Variants in RAPGEF2 observed in about 807,000 individuals in gnomAD.
The protein encoded by RAPGEF2 is Rap guanine nucleotide exchange factor 2.
Under a neutral mutation model 186.7 loss-of-function variants are expected in RAPGEF2, and 54 were observed. The ratio of observed to expected loss-of-function variants is 0.29; its 90% CI spans 0.23 to 0.36. The LOEUF (loss-of-function observed/expected upper bound fraction) is 0.36, where lower values mean the gene tolerates loss of function less well. RAPGEF2 is among the 10% of genes least tolerant of loss of function. RAPGEF2 has a pLI of 1.00. For missense variants in RAPGEF2, 1,532 were observed against 2,045.0 expected (o/e 0.75, Z 4.84); for synonymous variants, 712 against 705.9 (o/e 1.01, Z -0.14).
intron 25 of RAPGEF2, among the ~76,000 whole-genome samples, chr4:159,348,996 AG>A (rs1730797962): frequency 6.6e-6 from 1 of 152,182 alleles, no homozygotes; most frequent in South Asian, 2.1e-4. Context: ...CCACTTTTGA[AG>A]TATCTCACAC....
At chr4:159,342,062 A>T in intron 20 of RAPGEF2, 115 bp downstream of exon 20, 1 of 1,042,148 alleles carries the variant, frequency 9.6e-7, no homozygotes, top group Non-Finnish European at 1.4e-6. Flanking sequence ...TTGACTCATA[A>T]GAGACAATTC....
At chr4:159,148,975 T>C (rs1743236595) in intron 1 of RAPGEF2, among the ~76,000 whole-genome samples, 2 of 152,234 alleles carry the variant, frequency 1.3e-5, no homozygotes, top group African/African-American at 4.8e-5. Context: ...GTTTATTGTT[T>C]ACTGCAAGCA....
At chr4:159,251,605 A>G (rs1292831195) in intron 7 of RAPGEF2, among the ~76,000 whole-genome samples, 2 of 151,972 alleles carry the variant, frequency 1.3e-5, no homozygotes, top group South Asian at 2.1e-4. Flanking sequence ...AAACGCACCA[A>G]TCAGTGCTCT....
intron 1 of RAPGEF2, among the ~76,000 whole-genome samples, chr4:159,140,824 G>GA (rs35688115): frequency 0.019 from 2,832 of 147,766 alleles, 65 homozygotes; most frequent in African/African-American, 0.056. Context: ...TTTTTTTCTG[G>GA]AAAAAAAAAA....
chr4:159,331,971 A>G lies in RAPGEF2; in HGVS notation c.1825A>G (p.Lys609Glu). The G allele has an allele frequency of 6.2e-7, 1 of 1,609,570 alleles. No individual in the cohort carries two copies. Among genetic ancestry groups the G allele is most frequent in the Non-Finnish European group, 8.5e-7 (1 of 1,178,772 alleles). The change falls in exon 16 of 30, where the codon AAA becomes GAA. Residue 609 changes from lysine to glutamate, a missense_variant. Lys to Glu is a moderately conservative substitution (Grantham distance 56, BLOSUM62 1). This residue lies in a region of RAPGEF2 where 810 missense variants were observed against 1,210.5 expected (regional missense o/e 0.67). Transcript: ENST00000691494. ...AAACTTTGAAAACATTCAGCTGTCAAAAGCTATGGAAATTCTTAGAAATAA... is the reference window on the plus strand; with the variant it reads ...AAACTTTGAAAACATTCAGCTGTCAGAAGCTATGGAAATTCTTAGAAATAA... ...GQNFENIQLS[K>E]AMEILRNNTH...
chr4:159,137,539 T>G (rs2111152405), intron 1 of RAPGEF2, among the ~76,000 whole-genome samples: 1 of 152,258 alleles, frequency 6.6e-6, no homozygotes, highest in Middle Eastern at 3.4e-3. Context: ...TATATGAATT[T>G]TAGGGGAATA....
intron 8 of RAPGEF2, among the ~76,000 whole-genome samples, 169 bp from the exon 9 acceptor site, chr4:159,314,422 A>C (rs1258288316): frequency 6.6e-6 from 1 of 152,222 alleles, no homozygotes; most frequent in Non-Finnish European, 1.5e-5. Flanking sequence ...GGAATCACTC[A>C]TATTTTGTTA....
chr4:159,268,541 G>A (rs1338320178), intron 7 of RAPGEF2, among the ~76,000 whole-genome samples: 1 of 152,130 alleles, frequency 6.6e-6, no homozygotes, highest in Non-Finnish European at 1.5e-5. Flanking sequence ...AAATGTTTTT[G>A]TAGTTGAATT....
At chr4:159,329,113 A>G (rs1001720606) in intron 11 of RAPGEF2, 4 of 152,094 alleles carry the variant, frequency 2.6e-5, no homozygotes, top group Non-Finnish European at 5.9e-5. Context: ...GTTAATTTCT[A>G]TAATAAGTGA....
rs34827512 is a variant in RAPGEF2, at chr4:159,195,875, GTTTTTTTTTTTTTTTTTTT to G, written c.197+2630_197+2648del. Reference sequence around the variant, plus strand: ...GATTACAGTGTCTTCAAACATACCTGTTTTTTTTTTTTTTTTTTTTTTTTTTTTTCCCCAAGTAGGCTTA... The same window carrying G: ...GATTACAGTGTCTTCAAACATACCTGTTTTTTTTTTCCCCAAGTAGGCTTA... On this transcript the variant is annotated intron_variant, in intron 3 of 29. Transcript: ENST00000691494. Among the ~76,000 whole-genome samples the G allele has an allele frequency of 5.3e-4, 50 of 94,208 alleles. 1 individual carries two copies. The highest frequency in any genetic ancestry group is 1.9e-3 in the African/African-American group (48 of 25,362). 61.8% of individuals were successfully genotyped at this position (94,208 alleles called of 152,430 possible).
At chr4:159,223,200 G>A (rs1392413766) in intron 4 of RAPGEF2, among the ~76,000 whole-genome samples, 1 of 90,324 alleles carries the variant, frequency 1.1e-5, no homozygotes, top group Non-Finnish European at 2.4e-5. Flanking sequence ...TACTGTCTTA[G>A]ATGTTTCTTA....
intron 4 of RAPGEF2, among the ~76,000 whole-genome samples, chr4:159,238,271 T>C (rs1035920666): frequency 2.0e-5 from 3 of 152,186 alleles, no homozygotes; most frequent in Non-Finnish European, 2.9e-5. Context: ...GAAATAACTT[T>C]ACCATAGAAA....
chr4:159,309,136 A>T (rs1214415986), intron 8 of RAPGEF2, among the ~76,000 whole-genome samples: 4 of 152,192 alleles, frequency 2.6e-5, no homozygotes, highest in African/African-American at 9.7e-5. Flanking sequence ...AGCGTTTTCT[A>T]ACTGCAGATC....
At chr4:159,251,362 C>T (rs1352271245) in intron 7 of RAPGEF2, among the ~76,000 whole-genome samples, 1 of 152,236 alleles carries the variant, frequency 6.6e-6, no homozygotes, top group African/African-American at 2.4e-5. Flanking sequence ...GGCGTGGGAT[C>T]CACTAGGCAA....
chr4:159,214,142 A>G (rs1026990414), intron 4 of RAPGEF2, among the ~76,000 whole-genome samples: 5 of 152,212 alleles, frequency 3.3e-5, no homozygotes, highest in African/African-American at 1.2e-4. Flanking sequence ...GGTGAGAGAG[A>G]ATATTTGCCA....
At chr4:159,113,616 C>T (rs1738735689) in intron 1 of RAPGEF2, among the ~76,000 whole-genome samples, 1 of 151,670 alleles carries the variant, frequency 6.6e-6, no homozygotes, top group Non-Finnish European at 1.5e-5. Flanking sequence ...GTGGCGCATG[C>T]TTGTAATTCC....
At chr4:159,306,134 C>A (rs569509357) in intron 8 of RAPGEF2, among the ~76,000 whole-genome samples, 140 of 138,466 alleles carry the variant, frequency 1.0e-3, no homozygotes, top group Non-Finnish European at 2.0e-3. Context: ...TACGTATGAA[C>A]TTTAGGATTT....
chr4:159,254,461 C>T (rs1031283493), intron 7 of RAPGEF2, among the ~76,000 whole-genome samples: 2 of 152,136 alleles, frequency 1.3e-5, no homozygotes, highest in Admixed American at 1.3e-4. Context: ...ACTGGTTTTT[C>T]AGATTTTATT....
intron 1 of RAPGEF2, among the ~76,000 whole-genome samples, chr4:159,115,977 A>G (rs1310474159): frequency 1.3e-5 from 2 of 152,198 alleles, no homozygotes; most frequent in Admixed American, 6.5e-5. Flanking sequence ...CCACAACTAT[A>G]AAAACCCTAG....
Sources: gnomAD v4.1 joint callset for allele counts (sites outside exome capture counted in the v4.1 genomes callset) on GRCh38, gnomAD v4.1.1 for gene constraint, gnomAD v4.1.1 regional missense constraint, MANE v1.5 for transcripts, NCBI Gene and HGNC (gene_info 2026-07-23, HGNC 2026-07-21) for gene names.